The following TCF7L1 variants were observed in gnomAD, a reference collection of about 807,000 sequenced individuals.
TCF7L1 encodes the protein transcription factor 7 like 1, also known as transcription factor 7-like 1.
TCF7L1 carries 18 observed loss-of-function variants against 63.7 expected under a neutral mutation model. The observed-to-expected ratio is 0.28, with a 90% CI of 0.20 to 0.42. TCF7L1 has a LOEUF of 0.42. Among genes scored for constraint, TCF7L1 ranks in the 10% least tolerant of loss-of-function variants. The pLI, the probability that TCF7L1 is intolerant of heterozygous loss-of-function variation, is 1.00. For missense variants in TCF7L1, 654 were observed against 779.3 expected (o/e 0.84, Z 1.91); for synonymous variants, 355 against 340.9 (o/e 1.04, Z -0.46).
chr2:85,214,132 C>A (rs1007065208), intron 3 of TCF7L1, among the ~76,000 whole-genome samples: 2 of 152,226 alleles, frequency 1.3e-5, no homozygotes, highest in African/African-American at 2.4e-5. Flanking sequence ...CATCCTCCCC[C>A]TCCCGTGAAG....
intron 7 of TCF7L1, 110 bp downstream of exon 7, chr2:85,304,448 T>C: frequency 2.8e-6 from 3 of 1,058,116 alleles, no homozygotes; most frequent in East Asian, 2.6e-5. Context: ...GGGCTCACCC[T>C]CCCCCCACCT....
chr2:85,194,568 A>G (rs874838), intron 3 of TCF7L1, among the ~76,000 whole-genome samples: 21,326 of 152,132 alleles, frequency 0.14, 1,757 homozygotes, highest in African/African-American at 0.2. Flanking sequence ...AACCCAAAGC[A>G]TGGTCAGGGC....
At chr2:85,232,508 G>C (rs1056782070) in intron 3 of TCF7L1, among the ~76,000 whole-genome samples, 2 of 152,158 alleles carry the variant, frequency 1.3e-5, no homozygotes, top group Admixed American at 6.5e-5. Flanking sequence ...CCATTCGTCT[G>C]TCTCATTCCG....
In TCF7L1 at chr2:85,133,778, C is replaced by G; in HGVS notation, c.94C>G (p.Leu32Val). Residue 32 changes from leucine (L) to valine (V), a missense_variant, in exon 1 of 12, where the codon CTC (leucine) becomes GTC (valine). Transcript: ENST00000282111. This position sits in a 1 kb window ranked among gnomAD's most constrained non-coding sequence, Gnocchi z 4.4. ...CGGGGCGGCCGGCGGAGGGGACGAC[C>G]TCGGGGCGAACGACGAGCTGATCCC... ...SAGAAGGGDD[L>V]GANDELIPFQ... 7.4e-7 allele frequency: 1 copy of G among 1,342,946 alleles called. No individual in the cohort carries two copies. Among genetic ancestry groups the G allele is most frequent in the Non-Finnish European group, 9.6e-7 (1 of 1,043,450 alleles). The allele number at this position is 1,342,946 out of a possible 1,614,324, so 83.2% of individuals were successfully genotyped here. A position where few individuals can be genotyped will look rare whatever the true frequency, so the allele number is the denominator to read the frequency against.
At chr2:85,270,082 C>T (rs1050751498) in intron 3 of TCF7L1, among the ~76,000 whole-genome samples, 14 of 152,334 alleles carry the variant, frequency 9.2e-5, no homozygotes, top group South Asian at 4.1e-4. Context: ...GGGAAGGGTT[C>T]TAAGAGACCC....
rs145595613 is a variant in TCF7L1 at position 85,200,142 on chromosome 2, G to A, written c.441+65692G>A. ...GTGGATATCCCACATTTTGTTTGTC[G>A]ATTCATCCATTGGTGGACGTTGGGG... On this transcript the variant is annotated intron_variant, in intron 3 of 11. Coordinates refer to ENST00000282111, the MANE Select transcript of TCF7L1 (RefSeq NM_031283.3). Among the ~76,000 whole-genome samples, 306 of 152,156 alleles carry A rather than the reference G, an allele frequency of 2.0e-3. 1 individual carries two copies. The highest frequency in any genetic ancestry group is 6.7e-3 in the African/African-American group (278 of 41,502).
intron 8 of TCF7L1, among the ~76,000 whole-genome samples, chr2:85,305,822 CAA>C (rs928853677): frequency 1.1e-4 from 16 of 152,230 alleles, no homozygotes; most frequent in African/African-American, 3.9e-4. Context: ...GGCAGGAAGC[CAA>C]AGTCAGTGCT....
At chr2:85,305,723 GAC>G (rs911041748) in intron 8 of TCF7L1, among the ~76,000 whole-genome samples, 5 of 152,198 alleles carry the variant, frequency 3.3e-5, no homozygotes, top group African/African-American at 1.2e-4. Flanking sequence ...CCAGAAAGGA[GAC>G]AGTGTTTTCT....
At chr2:85,208,644 G>GCCACAC (rs988255113) in intron 3 of TCF7L1, among the ~76,000 whole-genome samples, 1 of 152,104 alleles carries the variant, frequency 6.6e-6, no homozygotes, top group Non-Finnish European at 1.5e-5. Flanking sequence ...TTTAGTTTTT[G>GCCACAC]CCACACATCT....
At chr2:85,181,725 C>A (rs1572979740) in intron 3 of TCF7L1, among the ~76,000 whole-genome samples, 1 of 152,158 alleles carries the variant, frequency 6.6e-6, no homozygotes, top group South Asian at 2.1e-4. Context: ...AAATCTGAGA[C>A]CATTGGTTCC....
intron 3 of TCF7L1, among the ~76,000 whole-genome samples, chr2:85,179,301 T>C (rs1384407880): frequency 1.3e-5 from 2 of 152,190 alleles, no homozygotes; most frequent in Non-Finnish European, 2.9e-5. Flanking sequence ...ACCTGAGTCC[T>C]GGAGGAATAG....
intron 3 of TCF7L1, among the ~76,000 whole-genome samples, chr2:85,252,060 G>A (rs1442963955): frequency 6.6e-6 from 1 of 152,182 alleles, no homozygotes; most frequent in Admixed American, 6.5e-5. Flanking sequence ...GGGTAACAGA[G>A]TAAGATCCTC....
At chr2:85,230,134 T>G (rs191686717) in intron 3 of TCF7L1, among the ~76,000 whole-genome samples, 121 of 152,352 alleles carry the variant, frequency 7.9e-4, no homozygotes, top group African/African-American at 2.8e-3. Context: ...GTGTCCAGCT[T>G]TTTTCACTTC....
intron 3 of TCF7L1, among the ~76,000 whole-genome samples, chr2:85,241,427 CTTTGTT>C (rs1558643482): frequency 2.8e-5 from 3 of 107,268 alleles, no homozygotes; most frequent in African/African-American, 1.2e-4. Context: ...ACTGGATGCA[CTTTGTT>C]TTTGTTTTTT....
At chr2:85,230,317 C>T (rs1358874594) in intron 3 of TCF7L1, among the ~76,000 whole-genome samples, 1 of 152,142 alleles carries the variant, frequency 6.6e-6, no homozygotes, top group African/African-American at 2.4e-5. Flanking sequence ...TAGATTTGGG[C>T]TCATTGAGTA....
At chr2:85,154,529 AC>A (rs1410166134) in intron 3 of TCF7L1, among the ~76,000 whole-genome samples, 3 of 151,820 alleles carry the variant, frequency 2.0e-5, no homozygotes, top group Admixed American at 1.3e-4. Context: ...TTGGAATACT[AC>A]CCCTCCACCT....
rs141525276 is a variant in TCF7L1 at position 85,298,026 on chromosome 2, C to T, written c.526-4458C>T. Among the ~76,000 whole-genome samples the T allele has an allele frequency of 3.7e-4, 55 of 150,588 alleles. 1 individual carries two copies. In the East Asian group the frequency reaches 9.5e-3, roughly 26 times the overall value. On this transcript the variant is annotated intron_variant, in intron 4 of 11. Transcript: ENST00000282111. The stretch of plus-strand genomic sequence containing the variant: ...AGGATGGAGTGCAGTGGTGCGATCT[C>T]GGCTCACTGAAACCTCCACCTCCCA...
chr2:85,307,427 C>T (rs1052914562), intron 10 of TCF7L1, among the ~76,000 whole-genome samples: 4 of 152,134 alleles, frequency 2.6e-5, no homozygotes, highest in African/African-American at 7.2e-5. Context: ...CCTGGACACC[C>T]GACCTGGAGG....
intron 3 of TCF7L1, among the ~76,000 whole-genome samples, chr2:85,267,675 CT>C (rs1296369791): frequency 1.4e-5 from 2 of 147,420 alleles, no homozygotes; most frequent in Admixed American, 6.7e-5. Flanking sequence ...AAAGAGTTGG[CT>C]TTTGGGTTTG....
Sources: allele counts gnomAD v4.1 joint callset (sites outside exome capture counted in the v4.1 genomes callset), GRCh38; gene constraint gnomAD v4.1.1; non-coding constraint Gnocchi (gnomAD v3.1); transcripts MANE v1.5; gene names NCBI Gene and HGNC (gene_info 2026-07-23, HGNC 2026-07-21).